TRHDE: variants seen among roughly 807,000 people sequenced by gnomAD.
TRHDE encodes thyrotropin-releasing hormone-degrading ectoenzyme.
In TRHDE, 72 loss-of-function variants were observed where a neutral mutation model predicts 125.7. The observed-to-expected ratio is 0.57, with a 90% CI of 0.47 to 0.70. The LOEUF (loss-of-function observed/expected upper bound fraction) is 0.70, where lower values mean the gene tolerates loss of function less well. Among genes scored for constraint, TRHDE ranks in the 30% least tolerant of loss-of-function variants. The pLI is 0.00. For synonymous variants in TRHDE, 509 were observed against 509.1 expected (o/e 1.00, Z 0.00); for missense variants, 1,110 against 1,327.1 (o/e 0.84, Z 2.54).
intron 5 of TRHDE, 48 bp downstream of exon 5, chr12:72,473,228 G>C: frequency 7.0e-7 from 1 of 1,422,764 alleles, no homozygotes; most frequent in Middle Eastern, 1.8e-4. Flanking sequence ...GGCCGATCTA[G>C]TGTTACATTA....
chr12:72,365,707 G>A (rs1048316943), intron 2 of TRHDE, among the ~76,000 whole-genome samples: 2 of 152,102 alleles, frequency 1.3e-5, no homozygotes, highest in African/African-American at 4.8e-5. Flanking sequence ...AATCTAATCC[G>A]AAGCAGTGAA....
chr12:72,299,537 C>A (rs1051466763), intron 2 of TRHDE, among the ~76,000 whole-genome samples: 1 of 152,114 alleles, frequency 6.6e-6, no homozygotes, highest in African/African-American at 2.4e-5. Flanking sequence ...TTTTATTCAT[C>A]CACAAATATA....
At chr12:72,468,157 G>T (rs1421700465) in intron 3 of TRHDE, among the ~76,000 whole-genome samples, 1 of 152,096 alleles carries the variant, frequency 6.6e-6, no homozygotes, top group Non-Finnish European at 1.5e-5. Context: ...TGCCATTACT[G>T]TCTCTATGCA....
chr12:72,508,319 G>A (rs73146944), intron 6 of TRHDE, among the ~76,000 whole-genome samples: 3,736 of 152,262 alleles, frequency 0.025, 74 homozygotes, highest in Middle Eastern at 0.044. Context: ...CAGACCTTGA[G>A]AGCAGCCATG....
intron 12 of TRHDE, among the ~76,000 whole-genome samples, chr12:72,615,298 T>A (rs1387491388): frequency 2.6e-5 from 4 of 152,184 alleles, no homozygotes; most frequent in African/African-American, 9.6e-5. Flanking sequence ...TTAGCAATAT[T>A]TCCCTGTGGT....
chr12:72,260,899 GC>G (rs1341650639), intron 2 of TRHDE, among the ~76,000 whole-genome samples: 2 of 152,170 alleles, frequency 1.3e-5, no homozygotes, highest in Non-Finnish European at 2.9e-5. Flanking sequence ...AAGGAATCAT[GC>G]CAATAGTTAC....
At chr12:72,216,216 G>A (rs1439054512) in intron 2 of TRHDE, among the ~76,000 whole-genome samples, 1 of 152,086 alleles carries the variant, frequency 6.6e-6, no homozygotes, top group Non-Finnish European at 1.5e-5. Context: ...TAGATTTTGT[G>A]TTCAATTCTA....
chr12:72,285,962 T>A (rs1014710392), intron 1 of TRHDE, among the ~76,000 whole-genome samples: 1 of 152,198 alleles, frequency 6.6e-6, no homozygotes, highest in Admixed American at 6.5e-5. Context: ...CCAAGAAAGG[T>A]TGAAGATGTG....
At chr12:72,254,321 T>C (rs1294383857) in intron 2 of TRHDE, 2 of 152,088 alleles carry the variant, frequency 1.3e-5, no homozygotes, top group African/African-American at 4.8e-5. Context: ...ATATCCTTTA[T>C]CTCCCTTGTC....
chr12:72,496,975 T>A (rs1174546358), intron 5 of TRHDE, among the ~76,000 whole-genome samples: 1 of 152,140 alleles, frequency 6.6e-6, no homozygotes, highest in Non-Finnish European at 1.5e-5. Context: ...AGAATTTTCT[T>A]TTTTCCTCCT....
At chr12:72,356,561 C>T (rs754917249) in intron 2 of TRHDE, among the ~76,000 whole-genome samples, 1 of 151,270 alleles carries the variant, frequency 6.6e-6, no homozygotes, top group Non-Finnish European at 1.5e-5. Flanking sequence ...AAAGAATCTT[C>T]TGGCTACTTT....
intron 2 of TRHDE, among the ~76,000 whole-genome samples, chr12:72,290,208 A>G (rs892931870): frequency 5.9e-5 from 9 of 152,194 alleles, no homozygotes; most frequent in African/African-American, 9.6e-5. Context: ...TACTGTGTGC[A>G]TATAATTCTT....
chr12:72,314,912 A>T (rs1470032196), intron 2 of TRHDE, among the ~76,000 whole-genome samples: 1 of 152,264 alleles, frequency 6.6e-6, no homozygotes, highest in African/African-American at 2.4e-5. Context: ...ACTAATGTTC[A>T]GATGGTTAGA....
chr12:72,303,703 G>A (rs968188436), intron 2 of TRHDE, among the ~76,000 whole-genome samples: 3 of 152,054 alleles, frequency 2.0e-5, no homozygotes, highest in Non-Finnish European at 4.4e-5. Flanking sequence ...TCCCTTTAAG[G>A]GCACAGAAGT....
At chr12:72,359,581 G>A (rs1870975401) in intron 2 of TRHDE, among the ~76,000 whole-genome samples, 2 of 151,610 alleles carry the variant, frequency 1.3e-5, no homozygotes, top group South Asian at 2.1e-4. Flanking sequence ...GTATCTAAAC[G>A]CAAATCTAAT....
chr12:72,380,772 T>A (rs1430823059), intron 3 of TRHDE, among the ~76,000 whole-genome samples: 26 of 120,004 alleles, frequency 2.2e-4, no homozygotes, highest in African/African-American at 7.5e-4. Flanking sequence ...CCTTGCTTCC[T>A]TCCTTCCTTC....
chr12:72,335,517 A>C (rs912737857), intron 2 of TRHDE, among the ~76,000 whole-genome samples: 1 of 152,202 alleles, frequency 6.6e-6, no homozygotes, highest in Non-Finnish European at 1.5e-5. Flanking sequence ...TATCATGCAG[A>C]TCTTCCCCCA....
At chr12:72,360,853 T>A (rs1264597789) in intron 2 of TRHDE, among the ~76,000 whole-genome samples, 1 of 151,804 alleles carries the variant, frequency 6.6e-6, no homozygotes, top group African/African-American at 2.4e-5. Context: ...AGTTCTGGGA[T>A]ACATGTGCAG....
intron 2 of TRHDE, among the ~76,000 whole-genome samples, chr12:72,219,419 A>AT (rs1877959569): frequency 6.6e-6 from 1 of 152,018 alleles, no homozygotes; most frequent in Non-Finnish European, 1.5e-5. Flanking sequence ...AGTAATCCAC[A>AT]TTTTTTCAAC....
Sources: allele counts gnomAD v4.1 joint callset (sites outside exome capture counted in the v4.1 genomes callset), GRCh38; gene constraint gnomAD v4.1.1; transcripts MANE v1.5; gene names NCBI Gene and HGNC (gene_info 2026-07-23, HGNC 2026-07-21).